Variants in VAV3 observed in about 807,000 individuals in gnomAD.
VAV3 encodes the protein vav guanine nucleotide exchange factor 3.
VAV3 carries 94 observed loss-of-function variants against 131.2 expected under a neutral mutation model. The observed-to-expected ratio is 0.72, with a 90% confidence interval of 0.61 to 0.85. The LOEUF is 0.85. Among genes scored for constraint, VAV3 ranks in the 40% least tolerant of loss-of-function variants. The probability of loss-of-function intolerance (pLI) is 0.00; values close to 1 mark genes in which losing one functional copy is unlikely to be tolerated. For synonymous variants in VAV3, 349 were observed against 342.0 expected (o/e 1.02, Z -0.22); for missense variants, 939 against 1,002.7 (o/e 0.94, Z 0.86).
chr1:107,663,595 G>A (rs1281757823), intron 19 of VAV3, among the ~76,000 whole-genome samples: 2 of 152,092 alleles, frequency 1.3e-5, no homozygotes, highest in Non-Finnish European at 2.9e-5. Context: ...CAAGATAATT[G>A]CCTATAAAGT....
intron 2 of VAV3, among the ~76,000 whole-genome samples, chr1:107,782,334 T>G (rs940327493): frequency 3.9e-5 from 6 of 152,088 alleles, no homozygotes; most frequent in African/African-American, 9.6e-5. Flanking sequence ...TGACAACCCC[T>G]CCCCTACACA....
intron 3 of VAV3, among the ~76,000 whole-genome samples, chr1:107,778,677 T>C (rs1192111193): frequency 2.0e-5 from 3 of 152,106 alleles, no homozygotes; most frequent in Non-Finnish European, 2.9e-5. Flanking sequence ...CACAGAAAAA[T>C]GGCTGTGATG....
At chr1:107,837,437 G>GT (rs1668524124) in intron 2 of VAV3, among the ~76,000 whole-genome samples, 1 of 151,936 alleles carries the variant, frequency 6.6e-6, no homozygotes, top group South Asian at 2.1e-4. Context: ...GGAAAAATCA[G>GT]TATCATTAAA....
At chr1:107,785,554 C>T (rs1665936294) in intron 2 of VAV3, 2 of 1,251,866 alleles carry the variant, frequency 1.6e-6, no homozygotes, top group South Asian at 2.9e-5. Context: ...CACGGCATCA[C>T]ACCCCTACAA....
At chr1:107,848,438 C>A (rs897872645) in intron 2 of VAV3, among the ~76,000 whole-genome samples, 7 of 151,864 alleles carry the variant, frequency 4.6e-5, no homozygotes, top group Non-Finnish European at 1.0e-4. Flanking sequence ...AATCAATAAA[C>A]ATAATCCATC....
At chr1:107,826,653 G>A (rs949453110) in intron 2 of VAV3, among the ~76,000 whole-genome samples, 1 of 152,082 alleles carries the variant, frequency 6.6e-6, no homozygotes, top group African/African-American at 2.4e-5. Context: ...GCTATTCCAG[G>A]CACTTAAGCT....
intron 19 of VAV3, among the ~76,000 whole-genome samples, chr1:107,668,466 A>G (rs1657563867): frequency 6.6e-6 from 1 of 152,222 alleles, no homozygotes; most frequent in Non-Finnish European, 1.5e-5. Context: ...TTTGTTGTGA[A>G]ATTAAAAATA....
intron 19 of VAV3, among the ~76,000 whole-genome samples, chr1:107,656,427 A>T (rs1250108606): frequency 6.6e-6 from 1 of 152,156 alleles, no homozygotes; most frequent in Non-Finnish European, 1.5e-5. Context: ...ATTCATGAAG[A>T]TAGAGTATAT....
intron 19 of VAV3, among the ~76,000 whole-genome samples, chr1:107,668,054 A>C (rs1475719202): frequency 6.6e-6 from 1 of 152,098 alleles, no homozygotes; most frequent in East Asian, 1.9e-4. Context: ...CCCTGCCTTA[A>C]GCCTTCACAT....
At chr1:107,745,399 GGGGAATCCTCCTGCCGTATCCAAGT>G (rs1663280218) in intron 15 of VAV3, among the ~76,000 whole-genome samples, 2 of 152,044 alleles carry the variant, frequency 1.3e-5, no homozygotes, top group African/African-American at 4.8e-5. Flanking sequence ...AAAAAGCGGG[GGGGAATCCTCCTGCCGTATCCAAGT>G]GGGTCACTGC....
At chr1:107,627,682 A>C (rs1654129741) in intron 20 of VAV3, among the ~76,000 whole-genome samples, 1 of 152,212 alleles carries the variant, frequency 6.6e-6, no homozygotes, top group African/African-American at 2.4e-5. Context: ...GTCATTTAAG[A>C]ATTAAAATCT....
At chr1:107,948,141 T>C (rs906861755) in intron 1 of VAV3, among the ~76,000 whole-genome samples, 2 of 152,344 alleles carry the variant, frequency 1.3e-5, no homozygotes, top group Middle Eastern at 3.4e-3. Context: ...CATTTTTCAA[T>C]GCTTTTTCAA....
chr1:107,941,874 CA>C lies in VAV3; in HGVS notation c.204+22791del, dbSNP rs537914786. On this transcript the variant is annotated intron_variant, in intron 1 of 26. Transcript: ENST00000370056. ...AGGTTCTGAATATGATCTCCCCTAC[CA>C]AAAAAAATGCATTATTTAAATAAAT... 9.6e-4 allele frequency among the ~76,000 whole-genome samples: 145 copies of C among 151,722 alleles called. 1 individual carries two copies. Among genetic ancestry groups the C allele is most frequent in the South Asian group, 2.3e-3 (11 of 4,796 alleles).
At chr1:107,957,824 G>A (rs1186659516) in intron 1 of VAV3, among the ~76,000 whole-genome samples, 7 of 151,458 alleles carry the variant, frequency 4.6e-5, no homozygotes, top group Non-Finnish European at 8.8e-5. Context: ...AATATGTGGT[G>A]ATCTATACTA....
chr1:107,779,523 T>G (rs1441480238), intron 2 of VAV3, 31 bp from the exon 3 acceptor site: 45 of 1,531,060 alleles, frequency 2.9e-5, no homozygotes, highest in Non-Finnish European at 3.9e-5. Flanking sequence ...TAATTAGATA[T>G]GTAGTTCAGA....
intron 1 of VAV3, among the ~76,000 whole-genome samples, chr1:107,951,562 CA>C (rs1156335769): frequency 6.6e-6 from 1 of 152,038 alleles, no homozygotes; most frequent in Non-Finnish European, 1.5e-5. Flanking sequence ...AAAATTTTTG[CA>C]AACTATGCAT....
intron 21 of VAV3, among the ~76,000 whole-genome samples, chr1:107,611,180 C>T (rs1005263062): frequency 2.0e-5 from 3 of 152,140 alleles, no homozygotes; most frequent in Non-Finnish European, 2.9e-5. Flanking sequence ...TTCCTTTGAG[C>T]ATCATGTCAG....
At chr1:107,723,014 T>G (rs1268537082) in intron 15 of VAV3, among the ~76,000 whole-genome samples, 2 of 152,184 alleles carry the variant, frequency 1.3e-5, no homozygotes, top group African/African-American at 2.4e-5. Flanking sequence ...TTAGTGTTCC[T>G]GCAGTCCTTT....
chr1:107,781,883 T>C (rs186987154), intron 2 of VAV3, among the ~76,000 whole-genome samples: 1 of 152,170 alleles, frequency 6.6e-6, no homozygotes, highest in East Asian at 1.9e-4. Flanking sequence ...AATGAACAAA[T>C]ACTAATAAAT....
Sources: allele counts gnomAD v4.1 joint callset (sites outside exome capture counted in the v4.1 genomes callset), GRCh38; gene constraint gnomAD v4.1.1; transcripts MANE v1.5; gene names NCBI Gene and HGNC (gene_info 2026-07-23, HGNC 2026-07-21).